The following MYT1L variants were observed in gnomAD, a reference collection of about 807,000 sequenced individuals.
MYT1L encodes the protein myelin transcription factor 1-like protein.
MYT1L carries 12 observed loss-of-function variants against 126.7 expected under a neutral mutation model. The ratio of observed to expected loss-of-function variants is 0.09; its 90% CI spans 0.06 to 0.15. The LOEUF (loss-of-function observed/expected upper bound fraction) is 0.15. MYT1L is among the 10% of genes least tolerant of loss of function. The pLI, the probability that MYT1L is intolerant of heterozygous loss-of-function variation, is 1.00. For synonymous variants in MYT1L, 541 were observed against 604.2 expected, an observed-to-expected ratio of 0.90 and a Z score of 1.53; for missense variants, 979 against 1,585.2, an observed-to-expected ratio of 0.62 and a Z score of 6.49.
chr2:2,277,097 T>C (rs1279043916), intron 2 of MYT1L, among the ~76,000 whole-genome samples: 1 of 152,088 alleles, frequency 6.6e-6, no homozygotes, highest in Non-Finnish European at 1.5e-5. Flanking sequence ...TTCTCCTGCC[T>C]CAGTCACTCA....
At chr2:2,053,903 T>C (rs2069147777) in intron 4 of MYT1L, 75 bp downstream of exon 4, 1 of 152,674 alleles carries the variant, frequency 6.5e-6, no homozygotes. Context: ...CAAAGTAACA[T>C]ATTTTAAGGT....
rs2048290522 is a variant in MYT1L, at chr2:1,887,371, T to C, written c.2642+117A>G. 1 of 1,359,796 alleles carries C rather than the reference T, an allele frequency of 7.4e-7. No individual in the cohort carries two copies. Among genetic ancestry groups the C allele is most frequent in the Non-Finnish European group, 1.0e-6 (1 of 969,806 alleles). The allele number at this position is 1,359,796 out of a possible 1,614,324, so 84.2% of individuals were successfully genotyped here. A position where few individuals can be genotyped will look rare whatever the true frequency, so the allele number is the denominator to read the frequency against. ...CTGACCCAGCAGTCGGAAACATTTA[T>C]ATGCTGCGAATGTCGCATGCTCAAA... On this transcript the variant is annotated intron_variant, in intron 17 of 24. Coordinates refer to ENST00000647738, the MANE Select transcript of MYT1L (RefSeq NM_001303052.2). The surrounding 1 kb of genome is among the most constrained non-coding windows in gnomAD (Gnocchi z 4.8).
chr2:1,980,678 C>A (rs1325196550), intron 5 of MYT1L, among the ~76,000 whole-genome samples: 1 of 152,104 alleles, frequency 6.6e-6, no homozygotes, highest in African/African-American at 2.4e-5. Context: ...TTCAGACCAC[C>A]TGAGTTACCC....
chr2:1,826,631 A>G (rs1203277785), intron 21 of MYT1L, among the ~76,000 whole-genome samples: 2 of 152,188 alleles, frequency 1.3e-5, no homozygotes, highest in African/African-American at 4.8e-5. Context: ...AAAAGAAGCA[A>G]AGGGTCTGAG....
chr2:2,238,803 C>T (rs1055884344), intron 2 of MYT1L, among the ~76,000 whole-genome samples: 23 of 152,172 alleles, frequency 1.5e-4, no homozygotes, highest in African/African-American at 5.3e-4. Flanking sequence ...GGAAGTAAGC[C>T]CTCTTTGACT....
intron 3 of MYT1L, among the ~76,000 whole-genome samples, chr2:2,074,141 G>A (rs1348715207): frequency 6.6e-6 from 1 of 152,132 alleles, no homozygotes; most frequent in African/African-American, 2.4e-5. Context: ...TCACTTGTGT[G>A]GTTTATTAGA....
intron 2 of MYT1L, among the ~76,000 whole-genome samples, chr2:2,249,406 T>C (rs2094593940): frequency 6.6e-6 from 1 of 151,992 alleles, no homozygotes. Context: ...TCAATGTTCA[T>C]GAACTGGAAG....
chr2:1,903,138 C>T lies in MYT1L; in HGVS notation c.1974G>A (p.Lys658=), dbSNP rs1007119267. Reference sequence around the variant, plus strand: ...TTTGCACCTTGGGAGCTATGGCTCGCTTGCCATAAGTATGGTTGTCGTAAC... The same window carrying T: ...TTTGCACCTTGGGAGCTATGGCTCGTTTGCCATAAGTATGGTTGTCGTAAC... ...YNSYDNHTYG[K]RAIAPKVQTR... is the part of the protein sequence containing the mutation. Residue 658 remains lysine, a synonymous_variant, in exon 14 of 25, where the codon AAG becomes AAA. Coordinates refer to ENST00000647738, the MANE Select transcript of MYT1L (RefSeq NM_001303052.2). The T allele has an allele frequency of 1.2e-6, 2 of 1,614,012 alleles. No individual in the cohort carries two copies. The highest frequency in any genetic ancestry group is 1.3e-5 in the African/African-American group (1 of 75,028).
At chr2:2,043,833 A>G (rs2150033526) in intron 4 of MYT1L, among the ~76,000 whole-genome samples, 1 of 152,372 alleles carries the variant, frequency 6.6e-6, no homozygotes, top group South Asian at 2.1e-4. Context: ...TGTTCATACC[A>G]TGACTAAAAT....
intron 4 of MYT1L, among the ~76,000 whole-genome samples, chr2:2,012,308 A>G (rs983290507): frequency 3.9e-5 from 6 of 152,226 alleles, no homozygotes; most frequent in Non-Finnish European, 1.5e-5. Context: ...GCACTGATAG[A>G]TGCTACGACA....
chr2:1,878,968 T>C (rs1177124500), intron 18 of MYT1L, among the ~76,000 whole-genome samples: 4 of 152,130 alleles, frequency 2.6e-5, no homozygotes, highest in Admixed American at 6.6e-5. Context: ...AACCTCTTTC[T>C]GTAAAAATGC....
At chr2:1,792,927 G>T (rs1396503026) in intron 23 of MYT1L, among the ~76,000 whole-genome samples, 2 of 147,910 alleles carry the variant, frequency 1.4e-5, no homozygotes, top group East Asian at 2.0e-4. Flanking sequence ...GCTTGTCATT[G>T]AAGGACCTGC....
intron 3 of MYT1L, among the ~76,000 whole-genome samples, chr2:2,106,419 A>C (rs2078769936): frequency 6.6e-6 from 1 of 152,094 alleles, no homozygotes. Context: ...GGAGTTCAAG[A>C]TCAGCCTGGC....
intron 3 of MYT1L, among the ~76,000 whole-genome samples, chr2:2,164,774 A>T (rs1011860544): frequency 2.6e-5 from 4 of 152,202 alleles, no homozygotes; most frequent in African/African-American, 7.2e-5. Flanking sequence ...AAGCACATAC[A>T]CGCCGTTGCT....
At chr2:2,090,857 G>A (rs1291539014) in intron 3 of MYT1L, among the ~76,000 whole-genome samples, 1 of 152,142 alleles carries the variant, frequency 6.6e-6, no homozygotes, top group South Asian at 2.1e-4. Context: ...AGTAGATTCC[G>A]TCTCAAGAAA....
intron 3 of MYT1L, among the ~76,000 whole-genome samples, chr2:2,097,366 G>C (rs1446643467): frequency 6.6e-6 from 1 of 152,096 alleles, no homozygotes; most frequent in Non-Finnish European, 1.5e-5. Flanking sequence ...TGCTCCGCAG[G>C]CTCTTCCTGT....
At chr2:2,226,940 A>T (rs951648264) in intron 2 of MYT1L, among the ~76,000 whole-genome samples, 7 of 152,188 alleles carry the variant, frequency 4.6e-5, no homozygotes, top group Admixed American at 1.3e-4. Flanking sequence ...TATGCCAGCA[A>T]TACCCTTATT....
Position 1,892,160 on chromosome 2 carries a change from G to A in MYT1L, c.2160C>T (p.Phe720=), listed in dbSNP as rs1240511537. Residue 720 remains phenylalanine, a synonymous_variant, in exon 15 of 25, where the codon TTC becomes TTT. Transcript: ENST00000647738. ...CCGCCTCCATGTCGTGCGTGTAGTC[G>A]AAGCTGCTCTTGCTGCACGTGCTGC... ...SASSTCSKSS[F]DYTHDMEAAH... The A allele has an allele frequency of 6.5e-7, 1 of 1,548,942 alleles. No homozygotes were observed. The highest frequency in any genetic ancestry group is 8.7e-7 in the Non-Finnish European group (1 of 1,146,670).
At chr2:1,950,724 G>GGTGCA (rs2057672372) in intron 8 of MYT1L, among the ~76,000 whole-genome samples, 1 of 152,184 alleles carries the variant, frequency 6.6e-6, no homozygotes, top group Admixed American at 6.5e-5. Context: ...GAGGTGTGAG[G>GGTGCA]GTGCAGGCAG....
Sources: gnomAD v4.1 joint callset for allele counts (sites outside exome capture counted in the v4.1 genomes callset) on GRCh38, gnomAD v4.1.1 for gene constraint, Gnocchi (gnomAD v3.1) non-coding constraint, MANE v1.5 for transcripts, NCBI Gene and HGNC (gene_info 2026-07-23, HGNC 2026-07-21) for gene names.